QDPR: variants seen among roughly 807,000 people sequenced by gnomAD.
QDPR encodes dihydropteridine reductase.
Under a neutral mutation model 31.7 loss-of-function variants are expected in QDPR, and 23 were observed. That is an observed-to-expected ratio of 0.73 (90% CI 0.52 to 1.03). The LOEUF (loss-of-function observed/expected upper bound fraction) is 1.03. QDPR is among the 50% of genes least tolerant of loss of function. QDPR has a pLI of 0.00. For synonymous variants in QDPR, 124 were observed against 124.7 expected, an observed-to-expected ratio of 0.99 and a Z score of 0.03; for missense variants, 324 against 323.8, an observed-to-expected ratio of 1.00 and a Z score of 0.00.
chr4:17,498,340 C>T (rs75985061), intron 4 of QDPR, among the ~76,000 whole-genome samples: 3,328 of 152,240 alleles, frequency 0.022, 109 homozygotes, highest in African/African-American at 0.069. Context: ...AAGAATATTT[C>T]GCCATCCTTA....
chr4:17,508,016 A>G (rs1451397875), intron 2 of QDPR, among the ~76,000 whole-genome samples: 1 of 152,176 alleles, frequency 6.6e-6, no homozygotes, highest in Non-Finnish European at 1.5e-5. Flanking sequence ...TTATTTCTAT[A>G]TTTACGTAGT....
chr4:17,496,674 T>C (rs1718371836), intron 4 of QDPR, among the ~76,000 whole-genome samples: 1 of 151,854 alleles, frequency 6.6e-6, no homozygotes, highest in African/African-American at 2.4e-5. Flanking sequence ...CTTACTCTGT[T>C]GCCCAGGCTA....
In QDPR at chr4:17,492,291, C is replaced by G. The variant is rs761732291; in HGVS notation, c.486G>C (p.Gln162His). Residue 162 changes from glutamine (Q) to histidine (H), a missense_variant, in exon 5 of 7, where the codon CAG (glutamine) becomes CAC (histidine). Gln to His is a conservative substitution (Grantham distance 24). Coordinates refer to ENST00000281243, the MANE Select transcript of QDPR (RefSeq NM_000320.3). The part of the protein sequence containing the change: ...MAKGAVHQLC[Q>H]SLAGKNSGMP... Reference sequence around the variant, plus strand: ...TGCCGCTGTTCTTCCCAGCCAGGCTCTGGCAGAGCTGGTGAACAGCACCCT... The same window carrying G: ...TGCCGCTGTTCTTCCCAGCCAGGCTGTGGCAGAGCTGGTGAACAGCACCCT... 10 of 1,614,230 alleles carry G rather than the reference C, an allele frequency of 6.2e-6. No homozygotes were observed. Among genetic ancestry groups the G allele is most frequent in the Non-Finnish European group, 7.6e-6 (9 of 1,180,040 alleles).
rs191053087 is a variant in QDPR at position 17,506,779 on chromosome 4, T to C, written c.199-2304A>G. 1.1e-3 allele frequency among the ~76,000 whole-genome samples: 174 copies of C among 152,326 alleles called. 1 individual carries two copies. The highest frequency in any genetic ancestry group is 3.5e-3 in the African/African-American group (147 of 41,564). ...TCTGTATGACTTAGGTATGGGAACA[T>C]TGAGACCACAGTGAGAAAAATAAGA... On this transcript the variant is annotated intron_variant, in intron 2 of 6. Transcript: ENST00000281243.
intron 4 of QDPR, among the ~76,000 whole-genome samples, chr4:17,498,162 C>G: frequency 6.6e-6 from 1 of 152,150 alleles, no homozygotes; most frequent in South Asian, 2.1e-4. Flanking sequence ...CCCTAAAATC[C>G]TCGGCACACA....
intron 4 of QDPR, among the ~76,000 whole-genome samples, chr4:17,495,907 G>T (rs1363873676): frequency 2.0e-5 from 3 of 152,030 alleles, no homozygotes; most frequent in Admixed American, 2.0e-4. Flanking sequence ...TACCCGGTAG[G>T]CTGAGGTGGA....
chr4:17,505,770 C>G (rs949410570), intron 2 of QDPR, among the ~76,000 whole-genome samples: 2 of 152,152 alleles, frequency 1.3e-5, no homozygotes, highest in African/African-American at 4.8e-5. Context: ...ACCTCTTTCC[C>G]CAGTTTCATG....
intron 3 of QDPR, among the ~76,000 whole-genome samples, chr4:17,503,976 G>C (rs1213779411): frequency 1.3e-5 from 2 of 151,972 alleles, no homozygotes; most frequent in African/African-American, 4.8e-5. Flanking sequence ...GAGTAGAGGG[G>C]AGGGGAGGGA....
chr4:17,487,340 C>T, intron 6 of QDPR, 104 bp from the exon 7 acceptor site: 2 of 843,732 alleles, frequency 2.4e-6, no homozygotes, highest in South Asian at 1.4e-5. Flanking sequence ...AGGGGTGGCA[C>T]AGCAGCGACT....
At chr4:17,509,661 T>C (rs139914427) in intron 1 of QDPR, among the ~76,000 whole-genome samples, 5 of 152,242 alleles carry the variant, frequency 3.3e-5, no homozygotes, top group Admixed American at 2.0e-4. Flanking sequence ...CAGTGAGCTA[T>C]GATCGCACCA....
chr4:17,494,217 GGGTCTCCAA>G lies in QDPR; in HGVS notation c.437-1886_437-1878del, dbSNP rs375049973. 4.3e-3 allele frequency among the ~76,000 whole-genome samples: 655 copies of G among 152,276 alleles called. 5 individuals carry two copies. The highest frequency in any genetic ancestry group is 0.015 in the African/African-American group (630 of 41,540). Reference sequence around the variant, plus strand: ...CATGTACAAGTGTAGCAGACAGGGAGGGTCTCCAAGGACTATAGGAGTTTCATCAGCTTG... The same window carrying G: ...CATGTACAAGTGTAGCAGACAGGGAGGGACTATAGGAGTTTCATCAGCTTG... On this transcript the variant is annotated intron_variant, in intron 4 of 6. Coordinates refer to ENST00000281243, the MANE Select transcript of QDPR (RefSeq NM_000320.3).
intron 3 of QDPR, among the ~76,000 whole-genome samples, chr4:17,502,363 G>C (rs925013427): frequency 2.0e-5 from 3 of 152,136 alleles, no homozygotes; most frequent in Non-Finnish European, 4.4e-5. Context: ...TTTTACACTT[G>C]TTTTAACTCC....
intron 6 of QDPR, among the ~76,000 whole-genome samples, chr4:17,488,438 T>A (rs770190650): frequency 6.6e-6 from 1 of 151,516 alleles, no homozygotes; most frequent in Non-Finnish European, 1.5e-5. Flanking sequence ...CACCAAACAA[T>A]GGAAAAAGAG....
In QDPR at chr4:17,487,170, G is replaced by A; in HGVS notation, c.696C>T (p.Thr232=). The A allele has an allele frequency of 6.2e-7, 1 of 1,614,182 alleles. No individual in the cohort carries two copies. Among genetic ancestry groups the A allele is most frequent in the Non-Finnish European group, 8.5e-7 (1 of 1,180,036 alleles). The change falls in exon 7 of 7, where the codon ACC becomes ACT. Residue 232 remains threonine, a synonymous_variant. Transcript: ENST00000281243. ...GGGTGAGTTCCGTCCTTCCTTCTGT[G>A]GTTACCACCTGGATTAGGCTTCCTG... ...PSSGSLIQVV[T]TEGRTELTPA...
In QDPR at chr4:17,486,861, C is replaced by T. The variant is rs761236174; in HGVS notation, c.*270G>A. The T allele has an allele frequency of 3.7e-5, 18 of 483,432 alleles. No homozygotes were observed. The highest frequency in any genetic ancestry group is 3.6e-4 in the Admixed American group (11 of 30,346). 29.9% of individuals were successfully genotyped at this position (483,432 alleles called of 1,614,324 possible). A position where few individuals can be genotyped will look rare whatever the true frequency, so the allele number is the denominator to read the frequency against. ...TCACAAAAGCGATCCAACATGACAC[C>T]GCTATAGCAGGTGCTATGCAGAGCC... is the stretch of plus-strand genomic sequence containing the variant. On this transcript the variant is annotated 3_prime_UTR_variant, in exon 7 of 7. Coordinates refer to ENST00000281243, the MANE Select transcript of QDPR (RefSeq NM_000320.3).
chr4:17,492,039 A>G (rs1718182404), intron 5 of QDPR, among the ~76,000 whole-genome samples, 193 bp downstream of exon 5: 1 of 152,202 alleles, frequency 6.6e-6, no homozygotes, highest in Non-Finnish European at 1.5e-5. Flanking sequence ...TTTATAAATC[A>G]CCCAGTCTAA....
intron 4 of QDPR, among the ~76,000 whole-genome samples, chr4:17,497,727 T>C (rs557841893): frequency 2.0e-4 from 30 of 152,234 alleles, no homozygotes; most frequent in African/African-American, 7.0e-4. Context: ...TGAAATAAGA[T>C]CAAGCTTAGC....
chr4:17,486,953 T>C lies in QDPR; in HGVS notation c.*178A>G. On this transcript the variant is annotated 3_prime_UTR_variant, in exon 7 of 7. Transcript: ENST00000281243. ...GGCCACCAGTCTCGCATGTCTTTAC[T>C]TCACATAAATGTATTACACTGTCCT... 1 of 640,208 alleles carries C rather than the reference T, an allele frequency of 1.6e-6. No individual in the cohort carries two copies. The allele number at this position is 640,208 out of a possible 1,614,324, so 39.7% of individuals were successfully genotyped here. A position where few individuals can be genotyped will look rare whatever the true frequency, so the allele number is the denominator to read the frequency against.
chr4:17,494,049 T>G (rs1007282905), intron 4 of QDPR, among the ~76,000 whole-genome samples: 1 of 152,148 alleles, frequency 6.6e-6, no homozygotes, highest in Non-Finnish European at 1.5e-5. Flanking sequence ...CCCGACTACC[T>G]GGCTTCGTGT....
Sources: allele counts gnomAD v4.1 joint callset (sites outside exome capture counted in the v4.1 genomes callset), GRCh38; gene constraint gnomAD v4.1.1; transcripts MANE v1.5; gene names NCBI Gene and HGNC (gene_info 2026-07-23, HGNC 2026-07-21).